AUTS2: variants seen among roughly 807,000 people sequenced by gnomAD.
The protein encoded by AUTS2 is activator of transcription and developmental regulator AUTS2, also known as autism susceptibility gene 2 protein.
In AUTS2, 17 loss-of-function variants were observed where a neutral mutation model predicts 112.4. The ratio of observed to expected loss-of-function variants is 0.15; its 90% CI spans 0.10 to 0.23. AUTS2 has a LOEUF of 0.23. AUTS2 is among the 10% of genes least tolerant of loss of function. The probability of loss-of-function intolerance (pLI) is 1.00; values close to 1 mark genes in which losing one functional copy is unlikely to be tolerated. For missense variants in AUTS2, 1,510 were observed against 1,701.6 expected (o/e 0.89, Z 1.98); for synonymous variants, 751 against 702.7 (o/e 1.07, Z -1.09).
At chr7:70,457,123 T>C (rs1395245085) in intron 5 of AUTS2, among the ~76,000 whole-genome samples, 1 of 152,220 alleles carries the variant, frequency 6.6e-6, no homozygotes, top group Non-Finnish European at 1.5e-5. Context: ...TGAACAGTGC[T>C]GCTCTAGGTG....
chr7:69,602,681 A>G (rs941996904), intron 1 of AUTS2, among the ~76,000 whole-genome samples: 3 of 152,252 alleles, frequency 2.0e-5, no homozygotes, highest in Non-Finnish European at 4.4e-5. Flanking sequence ...AAATGAATGT[A>G]TAACAGTTCA....
chr7:70,399,287 G>A (rs1467720233), intron 4 of AUTS2, among the ~76,000 whole-genome samples: 1 of 152,070 alleles, frequency 6.6e-6, no homozygotes, highest in African/African-American at 2.4e-5. Context: ...ACCACACCCA[G>A]CCAGGTCTTC....
chr7:69,709,684 A>G (rs1798230707), intron 1 of AUTS2, among the ~76,000 whole-genome samples: 1 of 152,214 alleles, frequency 6.6e-6, no homozygotes. Context: ...AGGGCAAAAT[A>G]AGAGATTTTC....
At chr7:69,683,027 C>G (rs1029898035) in intron 1 of AUTS2, among the ~76,000 whole-genome samples, 4 of 152,182 alleles carry the variant, frequency 2.6e-5, no homozygotes. Context: ...AAGAAGAAAA[C>G]AGCTCCACCG....
intron 2 of AUTS2, among the ~76,000 whole-genome samples, chr7:70,040,115 ACT>A (rs1333742992): frequency 6.6e-6 from 1 of 152,074 alleles, no homozygotes; most frequent in African/African-American, 2.4e-5. Flanking sequence ...TAGGGCAGTG[ACT>A]CTGTATTACA....
At chr7:69,628,145 A>G (rs1260595279) in intron 1 of AUTS2, among the ~76,000 whole-genome samples, 2 of 152,170 alleles carry the variant, frequency 1.3e-5, no homozygotes, top group Non-Finnish European at 2.9e-5. Flanking sequence ...CGTTTATTCT[A>G]AGAACAGTCC....
chr7:70,282,799 A>T (rs965890165), intron 4 of AUTS2, among the ~76,000 whole-genome samples: 24 of 152,326 alleles, frequency 1.6e-4, no homozygotes, highest in African/African-American at 5.3e-4. Flanking sequence ...TTTGTGGAAG[A>T]AGGAATGGCG....
At chr7:69,619,151 A>G (rs1021193974) in intron 1 of AUTS2, among the ~76,000 whole-genome samples, 4 of 152,048 alleles carry the variant, frequency 2.6e-5, no homozygotes, top group African/African-American at 9.7e-5. Flanking sequence ...ATGTGGTTCT[A>G]CTTTCAAGAT....
At chr7:69,611,588 C>T (rs555706403) in intron 1 of AUTS2, among the ~76,000 whole-genome samples, 9 of 152,306 alleles carry the variant, frequency 5.9e-5, no homozygotes, top group African/African-American at 1.2e-4. Context: ...GCATTAAAAT[C>T]TGTTTAACTC....
chr7:70,756,594 C>A (rs56287871), intron 6 of AUTS2, among the ~76,000 whole-genome samples: 2 of 151,966 alleles, frequency 1.3e-5, no homozygotes, highest in African/African-American at 4.8e-5. Flanking sequence ...AATAACATAC[C>A]TTTAAGTATG....
intron 4 of AUTS2, among the ~76,000 whole-genome samples, chr7:70,252,696 T>A (rs1169712996): frequency 6.6e-6 from 1 of 152,186 alleles, no homozygotes; most frequent in East Asian, 1.9e-4. Flanking sequence ...CTATGTTTTT[T>A]TCCAGTAGTT....
chr7:70,290,485 GT>G, intron 4 of AUTS2: 1 of 1,539,812 alleles, frequency 6.5e-7, no homozygotes, highest in Non-Finnish European at 8.8e-7. Context: ...CTTTTCTCTC[GT>G]CAAATTGCTT....
At chr7:70,085,038 A>G (rs1257911595) in intron 2 of AUTS2, among the ~76,000 whole-genome samples, 1 of 151,980 alleles carries the variant, frequency 6.6e-6, no homozygotes, top group Admixed American at 6.6e-5. Context: ...CTACCCAGCT[A>G]ATTTTTTAAA....
intron 2 of AUTS2, among the ~76,000 whole-genome samples, chr7:69,983,832 A>G (rs1177701183): frequency 3.3e-5 from 5 of 152,300 alleles, no homozygotes; most frequent in South Asian, 2.1e-4. Flanking sequence ...AAAATTTACT[A>G]TCTATACTAA....
chr7:69,983,495 CA>C (rs1194799418), intron 2 of AUTS2, among the ~76,000 whole-genome samples: 3 of 151,082 alleles, frequency 2.0e-5, no homozygotes. Context: ...CTGCCAGCAT[CA>C]GAAGGTGTCG....
intron 4 of AUTS2, among the ~76,000 whole-genome samples, chr7:70,145,740 A>G (rs7807263): frequency 6.6e-6 from 1 of 151,932 alleles, no homozygotes; most frequent in African/African-American, 2.4e-5. Context: ...AGAGCCATCA[A>G]ATTTGTAAAG....
chr7:70,238,241 G>T (rs1428648183), intron 4 of AUTS2, among the ~76,000 whole-genome samples: 3 of 152,148 alleles, frequency 2.0e-5, no homozygotes, highest in Admixed American at 6.5e-5. Flanking sequence ...ACTGAAAATG[G>T]AATGTAGAAG....
chr7:70,547,358 G>C (rs543595133), intron 5 of AUTS2, among the ~76,000 whole-genome samples: 1 of 152,126 alleles, frequency 6.6e-6, no homozygotes, highest in Non-Finnish European at 1.5e-5. Context: ...GGGGTCAAGC[G>C]ATTCTCCTGT....
At chr7:70,402,548 A>T (rs1172848473) in intron 4 of AUTS2, among the ~76,000 whole-genome samples, 2 of 152,092 alleles carry the variant, frequency 1.3e-5, no homozygotes, top group African/African-American at 4.8e-5. Flanking sequence ...AAGGTTCCAG[A>T]CTCCTGGGTA....
Sources: gnomAD v4.1 joint callset for allele counts (sites outside exome capture counted in the v4.1 genomes callset) on GRCh38, gnomAD v4.1.1 for gene constraint, MANE v1.5 for transcripts, NCBI Gene and HGNC (gene_info 2026-07-23, HGNC 2026-07-21) for gene names.